PCBP3: variants seen among roughly 807,000 people sequenced by gnomAD.
The protein encoded by PCBP3 is poly(rC)-binding protein 3.
In PCBP3, 25 loss-of-function variants were observed where a neutral mutation model predicts 52.7. The ratio of observed to expected loss-of-function variants is 0.47; its 90% CI spans 0.35 to 0.66. The LOEUF (loss-of-function observed/expected upper bound fraction) is 0.66. Ranked by LOEUF, PCBP3 falls within the 30% of genes least tolerant of loss-of-function variation. The pLI, the probability that PCBP3 is intolerant of heterozygous loss-of-function variation, is 0.01. For synonymous variants in PCBP3, 162 were observed against 183.0 expected, an observed-to-expected ratio of 0.89 and a Z score of 0.93; for missense variants, 391 against 490.3, an observed-to-expected ratio of 0.80 and a Z score of 1.91.
intron 1 of PCBP3, among the ~76,000 whole-genome samples, chr21:45,652,866 G>A (rs958365775): frequency 1.3e-5 from 2 of 152,074 alleles, no homozygotes; most frequent in African/African-American, 4.8e-5. Flanking sequence ...TTATTAATTT[G>A]CAGCTTTTCC....
intron 4 of PCBP3, among the ~76,000 whole-genome samples, chr21:45,778,901 A>C (rs1194427833): frequency 6.6e-6 from 1 of 152,160 alleles, no homozygotes; most frequent in African/African-American, 2.4e-5. Context: ...GATCCCTGCC[A>C]CTGGAGCAGG....
intron 4 of PCBP3, among the ~76,000 whole-genome samples, chr21:45,833,186 A>C (rs73380629): frequency 0.029 from 4,449 of 152,300 alleles, 239 homozygotes; most frequent in African/African-American, 0.1. Flanking sequence ...CAGGCAGGAG[A>C]TACCCCCACC....
At chr21:45,873,818 C>T (rs1183646550) in intron 5 of PCBP3, among the ~76,000 whole-genome samples, 1 of 152,230 alleles carries the variant, frequency 6.6e-6, no homozygotes. Context: ...TTTTTTGAGA[C>T]AGGGTCTCGC....
rs373881442 is a variant in PCBP3 at position 45,651,330 on chromosome 21, T to C, written c.-279+7462T>C. Among the ~76,000 whole-genome samples the C allele has an allele frequency of 2.6e-5, 4 of 152,298 alleles. No individual in the cohort carries two copies. In the East Asian group the frequency reaches 7.7e-4, roughly 29 times the overall value. On this transcript the variant is annotated intron_variant, in intron 1 of 17. Transcript: ENST00000681687. ...TTTCTTTTATACAACGTTTTTTCTA[T>C]TTATAAAAGTAATACAAATGTTTTG...
Position 45,933,492 on chromosome 21 carries a change from A to G in PCBP3, c.857-1761A>G, listed in dbSNP as rs574189626. Among the ~76,000 whole-genome samples, 4 of 152,352 alleles carry G rather than the reference A, an allele frequency of 2.6e-5. No individual in the cohort carries two copies. In the East Asian group the frequency reaches 5.8e-4, roughly 22 times the overall value. On this transcript the variant is annotated intron_variant, in intron 15 of 17. Transcript: ENST00000681687. ...ACTCCTCTCTATTCATCTAAGGTCTACTTTGTTCAGGAATTTCTGTCTAGG... is the reference window on the plus strand; with the variant it reads ...ACTCCTCTCTATTCATCTAAGGTCTGCTTTGTTCAGGAATTTCTGTCTAGG...
Position 45,917,877 on chromosome 21 carries a change from C to T in PCBP3, c.717+248C>T, listed in dbSNP as rs1198776910. The T allele has an allele frequency of 1.9e-6, 1 of 535,716 alleles. No individual in the cohort carries two copies. Among genetic ancestry groups the T allele is most frequent in the Non-Finnish European group, 3.5e-6 (1 of 287,898 alleles). The allele number at this position is 535,716 out of a possible 1,614,324, so 33.2% of individuals were successfully genotyped here. On this transcript the variant is annotated intron_variant, in intron 13 of 17. Coordinates refer to ENST00000681687, the MANE Select transcript of PCBP3 (RefSeq NM_001384156.1). This position sits in a 1 kb window ranked among gnomAD's most constrained non-coding sequence, Gnocchi z 5.3. ...CAATTCTGCCGCAGTCCTGGGTTTT[C>T]CTCCCTCCCACGGGGCCTGGGAGGG...
At chr21:45,681,571 A>G (rs1438215136) in intron 2 of PCBP3, among the ~76,000 whole-genome samples, 1 of 152,208 alleles carries the variant, frequency 6.6e-6, no homozygotes, top group African/African-American at 2.4e-5. Context: ...ATGGTTTCAT[A>G]TGACTTTTTC....
intron 5 of PCBP3, among the ~76,000 whole-genome samples, chr21:45,855,640 G>C (rs1431097316): frequency 2.0e-5 from 3 of 152,218 alleles, no homozygotes; most frequent in Non-Finnish European, 2.9e-5. Flanking sequence ...GGCTGCCTCC[G>C]TACCCCGCCA....
At chr21:45,721,632 A>G (rs976334786) in intron 2 of PCBP3, among the ~76,000 whole-genome samples, 2 of 152,164 alleles carry the variant, frequency 1.3e-5, no homozygotes, top group Non-Finnish European at 2.9e-5. Flanking sequence ...TCTTATCTAA[A>G]TGTATTTGCT....
At chr21:45,673,965 C>T (rs2081319619) in intron 2 of PCBP3, among the ~76,000 whole-genome samples, 1 of 152,002 alleles carries the variant, frequency 6.6e-6, no homozygotes. Flanking sequence ...ACAGAGAGTC[C>T]AATTTACAGT....
intron 5 of PCBP3, among the ~76,000 whole-genome samples, chr21:45,876,668 G>A (rs1603462064): frequency 6.6e-6 from 1 of 152,238 alleles, no homozygotes; most frequent in East Asian, 1.9e-4. Flanking sequence ...GAATGTGGCA[G>A]CTAATCTGCC....
At chr21:45,911,528 G>C (rs1161078287) in intron 11 of PCBP3, among the ~76,000 whole-genome samples, 1 of 152,164 alleles carries the variant, frequency 6.6e-6, no homozygotes, top group African/African-American at 2.4e-5. Context: ...TGCAGAAGTA[G>C]AGATGGGTGA....
intron 2 of PCBP3, among the ~76,000 whole-genome samples, chr21:45,674,396 A>C (rs1247683860): frequency 6.6e-6 from 1 of 152,122 alleles, no homozygotes; most frequent in East Asian, 1.9e-4. Context: ...TTGTGCAGAG[A>C]TCTACCTGTT....
At chr21:45,814,780 G>A (rs1603441761) in intron 4 of PCBP3, among the ~76,000 whole-genome samples, 1 of 135,824 alleles carries the variant, frequency 7.4e-6, no homozygotes, top group Admixed American at 7.1e-5. Flanking sequence ...AGTGGTGAGT[G>A]ATGAGTGGTG....
At chr21:45,902,456 C>T (rs2096083300) in intron 9 of PCBP3, among the ~76,000 whole-genome samples, 1 of 152,218 alleles carries the variant, frequency 6.6e-6, no homozygotes, top group South Asian at 2.1e-4. Context: ...CAGGTCACGC[C>T]GCTTGGGGAT....
chr21:45,855,725 C>T (rs1943922619), intron 5 of PCBP3, among the ~76,000 whole-genome samples: 1 of 152,002 alleles, frequency 6.6e-6, no homozygotes, highest in Non-Finnish European at 1.5e-5. Flanking sequence ...GCCCGGGATC[C>T]AAGTGCCCGA....
intron 1 of PCBP3, among the ~76,000 whole-genome samples, chr21:45,644,087 T>G (rs2079094242): frequency 6.7e-6 from 1 of 149,434 alleles, no homozygotes; most frequent in Non-Finnish European, 1.5e-5. Context: ...TCCCTCAAGG[T>G]GCGGTCGCCA....
At position 45,785,577 on chromosome 21, in the gene PCBP3, C is replaced by A. The variant is rs1285971698; in HGVS notation, c.-126+30125C>A. On this transcript the variant is annotated intron_variant, in intron 4 of 17. Transcript: ENST00000681687. ...GGTGAGGGGCGCCTCTGCCCGGCCG[C>A]CCCTACTGGGAAGTGAGGAGCCCCT... is the stretch of plus-strand genomic sequence containing the variant. Among the ~76,000 whole-genome samples the A allele has an allele frequency of 2.0e-3, 304 of 151,894 alleles. No homozygotes were observed. In the Middle Eastern group the frequency reaches 0.021, roughly 11 times the overall value.
intron 5 of PCBP3, among the ~76,000 whole-genome samples, chr21:45,869,737 C>T (rs2094923880): frequency 6.6e-6 from 1 of 152,184 alleles, no homozygotes; most frequent in African/African-American, 2.4e-5. Flanking sequence ...AGTGTGACCC[C>T]AGGGCCCCAG....
Sources: gnomAD v4.1 joint callset for allele counts (sites outside exome capture counted in the v4.1 genomes callset) on GRCh38, gnomAD v4.1.1 for gene constraint, Gnocchi (gnomAD v3.1) non-coding constraint, MANE v1.5 for transcripts, NCBI Gene and HGNC (gene_info 2026-07-23, HGNC 2026-07-21) for gene names.